Variants in TM6SF1 observed in about 807,000 individuals in gnomAD.
TM6SF1 encodes the protein transmembrane 6 superfamily member 1.
TM6SF1 carries 43 observed loss-of-function variants against 47.1 expected under a neutral mutation model. The observed-to-expected ratio is 0.91, with a 90% confidence interval of 0.72 to 1.18. The LOEUF (loss-of-function observed/expected upper bound fraction) is 1.18. Ranked by LOEUF, TM6SF1 falls within the 50% of genes most tolerant of loss-of-function variation. The probability of loss-of-function intolerance (pLI) is 0.00; values close to 1 mark genes in which losing one functional copy is unlikely to be tolerated. For missense variants in TM6SF1, 390 were observed against 449.0 expected, an observed-to-expected ratio of 0.87 and a Z score of 1.19; for synonymous variants, 177 against 166.3, an observed-to-expected ratio of 1.06 and a Z score of -0.49.
chr15:83,109,639 C>T (rs912948475), intron 1 of TM6SF1, among the ~76,000 whole-genome samples: 1 of 152,156 alleles, frequency 6.6e-6, no homozygotes, highest in Non-Finnish European at 1.5e-5. Flanking sequence ...TTCAGTTCTC[C>T]CTGGCACTGG....
At chr15:83,131,209 C>T (rs917379563) in intron 9 of TM6SF1, 9 of 152,118 alleles carry the variant, frequency 5.9e-5, no homozygotes, top group African/African-American at 2.2e-4. Flanking sequence ...CATTCATGAT[C>T]CCACTAACTT....
intron 4 of TM6SF1, among the ~76,000 whole-genome samples, chr15:83,121,165 G>C (rs990587164): frequency 3.3e-5 from 5 of 151,760 alleles, no homozygotes; most frequent in African/African-American, 1.2e-4. Flanking sequence ...CTGCCTCCCA[G>C]GTTCAACCAT....
At chr15:83,118,465 C>T (rs918307303) in intron 3 of TM6SF1, among the ~76,000 whole-genome samples, 7 of 152,166 alleles carry the variant, frequency 4.6e-5, no homozygotes, top group African/African-American at 1.4e-4. Context: ...AACCATAAAT[C>T]GGATGTATTC....
chr15:83,127,594 C>T (rs2151377023), intron 9 of TM6SF1, 117 bp downstream of exon 9: 1 of 1,169,726 alleles, frequency 8.5e-7, no homozygotes, highest in Non-Finnish European at 1.2e-6. Flanking sequence ...AGACATGTCA[C>T]CTTTTGTTTT....
chr15:83,119,855 A>G (rs562291876), intron 4 of TM6SF1, 174 bp downstream of exon 4: 5 of 968,746 alleles, frequency 5.2e-6, no homozygotes, highest in Admixed American at 3.1e-5. Flanking sequence ...TGCCTTTTGA[A>G]TATGTCCTTC....
At chr15:83,119,029 C>T (rs1264821195) in intron 3 of TM6SF1, among the ~76,000 whole-genome samples, 1 of 152,156 alleles carries the variant, frequency 6.6e-6, no homozygotes, top group Non-Finnish European at 1.5e-5. Context: ...TCCTGTCCAT[C>T]CCACTGGGTT....
At chr15:83,112,762 T>G in intron 1 of TM6SF1, 35 bp from the exon 2 acceptor site, 1 of 1,475,872 alleles carries the variant, frequency 6.8e-7, no homozygotes, top group South Asian at 1.1e-5. Flanking sequence ...GTGTTTATTT[T>G]GATAGTGACC....
intron 1 of TM6SF1, among the ~76,000 whole-genome samples, chr15:83,110,290 C>G (rs2034030068): frequency 6.6e-6 from 1 of 152,096 alleles, no homozygotes; most frequent in Non-Finnish European, 1.5e-5. Flanking sequence ...CCTTCCCACC[C>G]CCCAAGACTA....
Position 83,127,485 on chromosome 15 carries a change from G to T in TM6SF1, c.921+8G>T. The T allele has an allele frequency of 6.2e-7, 1 of 1,612,594 alleles. No homozygotes were observed. Among genetic ancestry groups the T allele is most frequent in the African/African-American group, 1.3e-5 (1 of 74,964 alleles). ...GCTGGAGGTCTGGCTCAGGTACTAA[G>T]AATATTCTGTTGAGAAGGTTTACTT... On this transcript the variant is annotated splice_region_variant and intron_variant, in intron 9 of 9. Coordinates refer to ENST00000322019, the MANE Select transcript of TM6SF1 (RefSeq NM_023003.5).
In TM6SF1 at chr15:83,120,462, C is replaced by T. The variant is rs562024400; in HGVS notation, c.398+781C>T. Among the ~76,000 whole-genome samples, 34 of 152,290 alleles carry T rather than the reference C, an allele frequency of 2.2e-4. 1 individual carries two copies. The highest frequency in any genetic ancestry group is 7.5e-4 in the African/African-American group (31 of 41,556). On this transcript the variant is annotated intron_variant, in intron 4 of 9. Transcript: ENST00000322019. Reference sequence around the variant, plus strand: ...AACATTTCAAGTCCGGCCATCTTCTCAGGCCTCCACTTGCTTCTGGGTTAC... The same window carrying T: ...AACATTTCAAGTCCGGCCATCTTCTTAGGCCTCCACTTGCTTCTGGGTTAC...
At chr15:83,110,060 C>T (rs2034006546) in intron 1 of TM6SF1, among the ~76,000 whole-genome samples, 1 of 152,218 alleles carries the variant, frequency 6.6e-6, no homozygotes, top group South Asian at 2.1e-4. Flanking sequence ...CCGTGTGCAT[C>T]GTAGGCACTC....
chr15:83,118,244 C>T (rs2034875942), intron 3 of TM6SF1, among the ~76,000 whole-genome samples: 2 of 86,586 alleles, frequency 2.3e-5, no homozygotes, highest in African/African-American at 5.5e-5. Context: ...CACACACACA[C>T]ACACACACAC....
At chr15:83,128,596 G>A (rs905059971) in intron 9 of TM6SF1, 4 of 151,814 alleles carry the variant, frequency 2.6e-5, no homozygotes, top group African/African-American at 7.3e-5. Context: ...TTCTACCTTC[G>A]GCCCACACCG....
rs2034307921 is a variant in TM6SF1, at chr15:83,112,809, T to C, written c.105T>C (p.Ile35=). ...HLAAQHDSWT[I]VGVAALILFL... is the part of the protein sequence containing the mutation. ...CTGGTCGTTGCAGTTCCTGGACTAT[T>C]GTAGGGGTTGCTGCCCTCATCCTGT... The change falls in exon 2 of 10, where the codon ATT becomes ATC. Residue 35 remains isoleucine, a synonymous_variant. Transcript: ENST00000322019. The C allele has an allele frequency of 6.2e-7, 1 of 1,614,052 alleles. No homozygotes were observed. The highest frequency in any genetic ancestry group is 8.5e-7 in the Non-Finnish European group (1 of 1,179,914).
At chr15:83,120,587 C>CTTTTTT (rs993490763) in intron 4 of TM6SF1, among the ~76,000 whole-genome samples, 4 of 125,956 alleles carry the variant, frequency 3.2e-5, no homozygotes, top group Admixed American at 8.2e-5. Flanking sequence ...CCAGCTAATT[C>CTTTTTT]TTTTTTTTTT....
rs1350113907 is a variant in TM6SF1, at chr15:83,112,790, G to T, written c.93-7G>T. 6 of 1,607,780 alleles carry T rather than the reference G, an allele frequency of 3.7e-6. No homozygotes were observed. The East Asian group carries it at 8.9e-5, about 24-fold the overall frequency. On this transcript the variant is annotated splice_region_variant and splice_polypyrimidine_tract_variant and intron_variant, in intron 1 of 9. Transcript: ENST00000322019. ...TAGTGACCACCTCCCTGTTCTGGTCGTTGCAGTTCCTGGACTATTGTAGGG... is the reference window on the plus strand; with the variant it reads ...TAGTGACCACCTCCCTGTTCTGGTCTTTGCAGTTCCTGGACTATTGTAGGG...
intron 1 of TM6SF1, among the ~76,000 whole-genome samples, chr15:83,108,064 C>T (rs1439249022): frequency 6.6e-6 from 1 of 152,162 alleles, no homozygotes; most frequent in Non-Finnish European, 1.5e-5. Flanking sequence ...CATGCCCCTG[C>T]CCTGGAGGGG....
intron 3 of TM6SF1, among the ~76,000 whole-genome samples, chr15:83,116,587 C>G (rs1000741978): frequency 2.0e-5 from 3 of 152,138 alleles, no homozygotes; most frequent in African/African-American, 7.2e-5. Flanking sequence ...TTTATCCTGT[C>G]TGTGAGGGAA....
chr15:83,132,264 T>C lies in TM6SF1; in HGVS notation c.922-4217T>C, dbSNP rs1196250927. The C allele has an allele frequency of 1.4e-4, 21 of 152,226 alleles. 1 individual carries two copies. The highest frequency in any genetic ancestry group is 1.4e-3 in the Admixed American group (21 of 15,282). The allele number at this position is 152,226 out of a possible 1,614,324, so 9.4% of individuals were successfully genotyped here. A position where few individuals can be genotyped will look rare whatever the true frequency, so the allele number is the denominator to read the frequency against. ...AGTAAGAATTTGGAGATATGCCTTA[T>C]GTTGTTCCGAAGATTAACCTGAAGA... On this transcript the variant is annotated intron_variant, in intron 9 of 9. Coordinates refer to ENST00000322019, the MANE Select transcript of TM6SF1 (RefSeq NM_023003.5).
Sources: gnomAD v4.1 joint callset for allele counts (sites outside exome capture counted in the v4.1 genomes callset) on GRCh38, gnomAD v4.1.1 for gene constraint, MANE v1.5 for transcripts, NCBI Gene and HGNC (gene_info 2026-07-23, HGNC 2026-07-21) for gene names.